The following CNTNAP5 variants were observed in gnomAD, a reference collection of about 807,000 sequenced individuals.
CNTNAP5 encodes the protein contactin-associated protein-like 5.
CNTNAP5 carries 72 observed loss-of-function variants against 150.2 expected under a neutral mutation model. The ratio of observed to expected loss-of-function variants is 0.48; its 90% confidence interval spans 0.40 to 0.58. The LOEUF (loss-of-function observed/expected upper bound fraction) is 0.58. CNTNAP5 is among the 20% of genes least tolerant of loss of function. The pLI, the probability that CNTNAP5 is intolerant of heterozygous loss-of-function variation, is 0.00. For synonymous variants in CNTNAP5, 672 were observed against 619.8 expected (o/e 1.08, Z -1.25); for missense variants, 1,636 against 1,626.2 (o/e 1.01, Z -0.10).
chr2:124,383,553 T>C (rs916700449), intron 3 of CNTNAP5, among the ~76,000 whole-genome samples: 4 of 152,182 alleles, frequency 2.6e-5, no homozygotes, highest in African/African-American at 7.2e-5. Flanking sequence ...AATGTGGTAC[T>C]GTAGCTTGGA....
At chr2:124,263,336 C>T (rs1687512193) in intron 3 of CNTNAP5, among the ~76,000 whole-genome samples, 1 of 152,144 alleles carries the variant, frequency 6.6e-6, no homozygotes, top group Admixed American at 6.6e-5. Flanking sequence ...TTAATGATGG[C>T]CATTCTAACT....
At chr2:124,257,581 C>A (rs1687343606) in intron 3 of CNTNAP5, among the ~76,000 whole-genome samples, 2 of 152,268 alleles carry the variant, frequency 1.3e-5, no homozygotes, top group Non-Finnish European at 2.9e-5. Flanking sequence ...CAGCTCTAAT[C>A]CCAGGTCTAC....
chr2:124,870,491 A>ATT (rs113436123), intron 21 of CNTNAP5, among the ~76,000 whole-genome samples: 1 of 151,444 alleles, frequency 6.6e-6, no homozygotes, highest in African/African-American at 2.4e-5. Context: ...CTGTCCATCC[A>ATT]TTTTTTTATA....
chr2:124,423,652 C>CTTT (rs1187961580), intron 4 of CNTNAP5, among the ~76,000 whole-genome samples: 13,555 of 41,528 alleles, frequency 0.33, 5,071 homozygotes, highest in Middle Eastern at 0.39. Context: ...GGCTAATTAA[C>CTTT]TTTTTTTTTT....
intron 1 of CNTNAP5, among the ~76,000 whole-genome samples, chr2:124,206,938 T>G (rs755119622): frequency 6.6e-6 from 1 of 152,158 alleles, no homozygotes; most frequent in Non-Finnish European, 1.5e-5. Flanking sequence ...CAAATATTAA[T>G]AGATATGAAA....
intron 2 of CNTNAP5, among the ~76,000 whole-genome samples, chr2:124,223,791 T>G (rs1439832365): frequency 6.6e-6 from 1 of 151,578 alleles, no homozygotes; most frequent in Non-Finnish European, 1.5e-5. Context: ...AAGGCTAGCA[T>G]AAATGTACAG....
intron 1 of CNTNAP5, among the ~76,000 whole-genome samples, chr2:124,146,287 A>G (rs1043072890): frequency 6.6e-6 from 1 of 152,306 alleles, no homozygotes; most frequent in Middle Eastern, 3.4e-3. Flanking sequence ...TTAGTTCCCA[A>G]AACAAAACAT....
chr2:124,331,521 TATTCTGGAACTTCCAAA>T (rs1176266071), intron 3 of CNTNAP5, among the ~76,000 whole-genome samples: 1 of 152,078 alleles, frequency 6.6e-6, no homozygotes, highest in African/African-American at 2.4e-5. Context: ...CTTTAGGTGC[TATTCTGGAACTTCCAAA>T]ACTCAGTTTG....
chr2:124,106,079 CT>C (rs956750143), intron 1 of CNTNAP5, among the ~76,000 whole-genome samples: 16 of 149,270 alleles, frequency 1.1e-4, no homozygotes, highest in African/African-American at 3.4e-4. Flanking sequence ...CCAGATACTG[CT>C]TTTTTTTTTC....
intron 1 of CNTNAP5, among the ~76,000 whole-genome samples, chr2:124,048,875 C>T (rs1681614391): frequency 6.6e-6 from 1 of 152,214 alleles, no homozygotes; most frequent in African/African-American, 2.4e-5. Flanking sequence ...AAGAATATCA[C>T]TAAGGCAAAT....
chr2:124,429,080 A>G (rs768555925), intron 4 of CNTNAP5, among the ~76,000 whole-genome samples: 4 of 152,216 alleles, frequency 2.6e-5, no homozygotes, highest in Non-Finnish European at 5.9e-5. Context: ...AGAGATATCC[A>G]GAAAAAGTCG....
intron 21 of CNTNAP5, among the ~76,000 whole-genome samples, chr2:124,882,526 C>T (rs1677984365): frequency 6.6e-6 from 1 of 152,062 alleles, no homozygotes; most frequent in South Asian, 2.1e-4. Context: ...AACCAAGGTC[C>T]TGTTTCCCTA....
chr2:124,891,664 G>A (rs1573692143), intron 21 of CNTNAP5, among the ~76,000 whole-genome samples: 1 of 152,140 alleles, frequency 6.6e-6, no homozygotes, highest in Non-Finnish European at 1.5e-5. Flanking sequence ...TTTAATTGAA[G>A]GCAGGTGTAG....
At chr2:124,832,990 A>G (rs1235748889) in intron 19 of CNTNAP5, among the ~76,000 whole-genome samples, 1 of 151,210 alleles carries the variant, frequency 6.6e-6, no homozygotes, top group Non-Finnish European at 1.5e-5. Flanking sequence ...GTTCACTGCA[A>G]CATCCACCTC....
At chr2:124,084,048 T>G (rs1185906553) in intron 1 of CNTNAP5, among the ~76,000 whole-genome samples, 2 of 5,570 alleles carry the variant, frequency 3.6e-4, no homozygotes, top group Non-Finnish European at 0.013. Flanking sequence ...ATATAGATGT[T>G]TGGCTTTTTA....
At chr2:124,725,368 A>G (rs1317883034) in intron 13 of CNTNAP5, among the ~76,000 whole-genome samples, 1 of 152,094 alleles carries the variant, frequency 6.6e-6, no homozygotes, top group South Asian at 2.1e-4. Flanking sequence ...ACAGTTATAC[A>G]TTATGAGATG....
At chr2:124,352,114 A>G (rs912781910) in intron 3 of CNTNAP5, among the ~76,000 whole-genome samples, 1 of 151,914 alleles carries the variant, frequency 6.6e-6, no homozygotes, top group African/African-American at 2.4e-5. Context: ...TGGGTACACA[A>G]ACAGGACAGG....
rs1265785661 is a variant in CNTNAP5, at chr2:124,769,134, A to G, written c.2534-3665A>G. ...TCCGTCTTCATGGAGCTCAGGACTG[A>G]GTGCTGGGAGAAGTGCAGAGTGTGT... is the stretch of plus-strand genomic sequence containing the variant. On this transcript the variant is annotated intron_variant, in intron 16 of 23. Coordinates refer to ENST00000682447, the MANE Select transcript of CNTNAP5 (RefSeq NM_001367498.1). Among the ~76,000 whole-genome samples, 6 of 152,080 alleles carry G rather than the reference A, an allele frequency of 3.9e-5. No homozygotes were observed. In the East Asian group the frequency reaches 9.7e-4, roughly 25 times the overall value.
chr2:124,465,704 C>T (rs1301185337), intron 6 of CNTNAP5, among the ~76,000 whole-genome samples: 1 of 152,128 alleles, frequency 6.6e-6, no homozygotes, highest in Non-Finnish European at 1.5e-5. Flanking sequence ...CTGTGTTTCA[C>T]GTACCCCTTT....
Sources: gnomAD v4.1 joint callset for allele counts (sites outside exome capture counted in the v4.1 genomes callset) on GRCh38, gnomAD v4.1.1 for gene constraint, MANE v1.5 for transcripts, NCBI Gene and HGNC (gene_info 2026-07-23, HGNC 2026-07-21) for gene names.